The following COL19A1 variants were observed in gnomAD, a reference collection of about 807,000 sequenced individuals.
COL19A1 encodes collagen alpha-1(XIX) chain.
In COL19A1, 159 loss-of-function variants were observed where a neutral mutation model predicts 190.2. The ratio of observed to expected loss-of-function variants is 0.84; its 90% CI spans 0.73 to 0.95. The LOEUF is 0.95. Ranked by LOEUF, COL19A1 falls within the 40% of genes least tolerant of loss-of-function variation. The pLI, the probability that COL19A1 is intolerant of heterozygous loss-of-function variation, is 0.00. For synonymous variants in COL19A1, 509 were observed against 458.9 expected (o/e 1.11, Z -1.39); for missense variants, 1,418 against 1,431.9 (o/e 0.99, Z 0.16).
intron 11 of COL19A1, among the ~76,000 whole-genome samples, chr6:70,004,757 A>G (rs1182836827): frequency 6.6e-6 from 1 of 152,056 alleles, no homozygotes; most frequent in Non-Finnish European, 1.5e-5. Context: ...TATTCTAGTT[A>G]GCAGCTCCTC....
chr6:69,961,655 G>C (rs2150045917), intron 10 of COL19A1, among the ~76,000 whole-genome samples: 1 of 152,132 alleles, frequency 6.6e-6, no homozygotes, highest in East Asian at 1.9e-4. Flanking sequence ...TTCTTTCCTG[G>C]TAACTTTTAG....
intron 11 of COL19A1, among the ~76,000 whole-genome samples, chr6:69,979,499 T>C (rs919613966): frequency 2.6e-5 from 4 of 151,844 alleles, no homozygotes; most frequent in African/African-American, 9.7e-5. Context: ...AAATAGGAAT[T>C]GATGAAATAT....
chr6:70,174,720 ACT>A (rs1270821546), intron 41 of COL19A1, among the ~76,000 whole-genome samples: 1 of 152,220 alleles, frequency 6.6e-6, no homozygotes, highest in Non-Finnish European at 1.5e-5. Flanking sequence ...TTACTGGCTT[ACT>A]GGTATACACA....
At chr6:70,006,188 C>T (rs1377500329) in intron 11 of COL19A1, among the ~76,000 whole-genome samples, 1 of 152,178 alleles carries the variant, frequency 6.6e-6, no homozygotes, top group Non-Finnish European at 1.5e-5. Flanking sequence ...GCTGGTTGCC[C>T]CTCACCCTGG....
chr6:70,203,377 C>T (rs909478534), intron 49 of COL19A1, among the ~76,000 whole-genome samples: 6 of 152,176 alleles, frequency 3.9e-5, no homozygotes, highest in Non-Finnish European at 5.9e-5. Context: ...ATTGATCATA[C>T]ATACTGTTTG....
At chr6:69,993,764 C>G (rs1776751075) in intron 11 of COL19A1, among the ~76,000 whole-genome samples, 1 of 152,086 alleles carries the variant, frequency 6.6e-6, no homozygotes. Flanking sequence ...ATAGTAGTCT[C>G]TGAGGGATTT....
intron 4 of COL19A1, among the ~76,000 whole-genome samples, chr6:69,909,272 G>C (rs1224760795): frequency 6.6e-6 from 1 of 152,080 alleles, no homozygotes; most frequent in Non-Finnish European, 1.5e-5. Context: ...ACACAGGACA[G>C]AACATTAGTA....
At chr6:69,976,639 G>A (rs1026849911) in intron 11 of COL19A1, among the ~76,000 whole-genome samples, 9 of 152,118 alleles carry the variant, frequency 5.9e-5, no homozygotes, top group Non-Finnish European at 1.0e-4. Context: ...TCCAGAACAC[G>A]GAAGAGGCAA....
chr6:69,948,971 T>G (rs1266344530), intron 9 of COL19A1, among the ~76,000 whole-genome samples: 1 of 151,832 alleles, frequency 6.6e-6, no homozygotes, highest in Admixed American at 6.6e-5. Context: ...GTGAAGACAC[T>G]GTTCCCAGAG....
intron 31 of COL19A1, among the ~76,000 whole-genome samples, chr6:70,155,482 C>A (rs1324977285): frequency 6.6e-6 from 1 of 152,088 alleles, no homozygotes; most frequent in Non-Finnish European, 1.5e-5. Context: ...TGAAGTCAAG[C>A]CTTCCCAGAT....
chr6:70,202,947 G>C (rs1169528791), intron 49 of COL19A1, among the ~76,000 whole-genome samples: 2 of 152,094 alleles, frequency 1.3e-5, no homozygotes, highest in Non-Finnish European at 2.9e-5. Context: ...GCTGTGCCTT[G>C]AGAGAACTTT....
In COL19A1 at chr6:70,062,624, G is replaced by A. The variant is rs1050478218; in HGVS notation, c.1171-5799G>A. Among the ~76,000 whole-genome samples, 28 of 151,954 alleles carry A rather than the reference G, an allele frequency of 1.8e-4. No homozygotes were observed. The South Asian group carries it at 2.7e-3, about 15-fold the overall frequency. On this transcript the variant is annotated intron_variant, in intron 14 of 50. Transcript: ENST00000620364. ...CATAATGACAGGATCAAATTCACAC[G>A]TAACAATATTAACCTTAAATGTAAA...
chr6:69,907,310 A>G (rs1029386429), intron 4 of COL19A1, among the ~76,000 whole-genome samples: 4 of 151,722 alleles, frequency 2.6e-5, no homozygotes, highest in African/African-American at 9.7e-5. Context: ...TTGTATTTTT[A>G]GTAGAGACAG....
intron 48 of COL19A1, among the ~76,000 whole-genome samples, chr6:70,194,671 G>T (rs979606151): frequency 1.3e-5 from 2 of 152,128 alleles, no homozygotes; most frequent in African/African-American, 4.8e-5. Flanking sequence ...CACAAATGAG[G>T]CTCTTGCCAG....
chr6:70,083,030 C>T (rs369822826), intron 15 of COL19A1, among the ~76,000 whole-genome samples: 2 of 152,340 alleles, frequency 1.3e-5, no homozygotes, highest in Middle Eastern at 3.4e-3. Flanking sequence ...CGGTTCCTAA[C>T]AGTCCACAGA....
intron 47 of COL19A1, among the ~76,000 whole-genome samples, chr6:70,188,560 A>G (rs1766668503): frequency 6.6e-6 from 1 of 152,200 alleles, no homozygotes; most frequent in Non-Finnish European, 1.5e-5. Context: ...CCAGGTCTGG[A>G]TGGCTTCAAA....
chr6:70,076,386 T>C lies in COL19A1; in HGVS notation c.1224+7910T>C, dbSNP rs556906390. ...GAGAATTTAACCAAATCACTAACTT[T>C]TAAAAAAGTTACTTAAAAATCACTA... On this transcript the variant is annotated intron_variant, in intron 15 of 50. Coordinates refer to ENST00000620364, the MANE Select transcript of COL19A1 (RefSeq NM_001858.6). Among the ~76,000 whole-genome samples the C allele has an allele frequency of 2.6e-5, 4 of 152,330 alleles. No homozygotes were observed. In the South Asian group the frequency reaches 8.3e-4, roughly 32 times the overall value.
intron 11 of COL19A1, among the ~76,000 whole-genome samples, chr6:69,975,674 C>T (rs1336518015): frequency 6.6e-6 from 1 of 152,134 alleles, no homozygotes; most frequent in East Asian, 1.9e-4. Flanking sequence ...ACAATGGTAA[C>T]CTTTTATCAG....
rs535536074 is a variant in COL19A1 at position 69,910,719 on chromosome 6, G to A, written c.266+10381G>A. On this transcript the variant is annotated intron_variant, in intron 4 of 50. Transcript: ENST00000620364. ...TTTTCCAGTCATTCTTTTATCCTAT[G>A]AATCAATCTTGTAAGGGACAGCAGA... Among the ~76,000 whole-genome samples the A allele has an allele frequency of 3.3e-5, 5 of 152,136 alleles. No individual in the cohort carries two copies. In the South Asian group the frequency reaches 1.0e-3, roughly 32 times the overall value.
Sources: allele counts gnomAD v4.1 joint callset (sites outside exome capture counted in the v4.1 genomes callset), GRCh38; gene constraint gnomAD v4.1.1; transcripts MANE v1.5; gene names NCBI Gene and HGNC (gene_info 2026-07-23, HGNC 2026-07-21).